The following RAMP3 variants were observed in gnomAD, a reference collection of about 807,000 sequenced individuals.
The protein encoded by RAMP3 is receptor activity-modifying protein 3.
In RAMP3, 14 loss-of-function variants were observed where a neutral mutation model predicts 13.5. That is an observed-to-expected ratio of 1.04 (90% CI 0.69 to 1.63). The LOEUF is 1.63. Among genes scored for constraint, RAMP3 ranks in the 40% most tolerant of loss-of-function variants. The probability of loss-of-function intolerance (pLI) is 0.00; values close to 1 mark genes in which losing one functional copy is unlikely to be tolerated. For synonymous variants in RAMP3, 106 were observed against 88.3 expected, an observed-to-expected ratio of 1.20 and a Z score of -1.12; for missense variants, 200 against 204.8, an observed-to-expected ratio of 0.98 and a Z score of 0.14.
chr7:45,173,281 C>T (rs1786115101), intron 1 of RAMP3, among the ~76,000 whole-genome samples: 1 of 152,194 alleles, frequency 6.6e-6, no homozygotes, highest in Non-Finnish European at 1.5e-5. Context: ...TATGACTGGA[C>T]ATGGAAGTGT....
rs57539624 is a variant in RAMP3 at position 45,176,387 on chromosome 7, TACACACACACAC to T, written c.59-905_59-894del. On this transcript the variant is annotated intron_variant, in intron 1 of 2. Transcript: ENST00000242249. The stretch of plus-strand genomic sequence containing the variant: ...GATATAGATGGCAGGGCTGTGTACC[TACACACACACAC>T]ACACACACACACACACCAAGACACA... Among the ~76,000 whole-genome samples, 9 of 147,734 alleles carry T rather than the reference TACACACACACAC, an allele frequency of 6.1e-5. No individual in the cohort carries two copies. The East Asian group carries it at 8.0e-4, about 13-fold the overall frequency.
At chr7:45,181,273 A>T (rs538262805) in intron 2 of RAMP3, among the ~76,000 whole-genome samples, 1 of 152,338 alleles carries the variant, frequency 6.6e-6, no homozygotes, top group South Asian at 2.1e-4. Flanking sequence ...GCCACTGTCC[A>T]TGCTGTCTTC....
chr7:45,183,427 T>G lies in RAMP3; in HGVS notation c.*15T>G. On this transcript the variant is annotated 3_prime_UTR_variant, in exon 3 of 3. Transcript: ENST00000242249. Reference sequence around the variant, plus strand: ...CGCTGCTGTGAGGGTCCCGGTGAGATGGAGTGGGTCACACCTGGCAAGCTG... The same window carrying G: ...CGCTGCTGTGAGGGTCCCGGTGAGAGGGAGTGGGTCACACCTGGCAAGCTG... 6.2e-6 allele frequency: 10 copies of G among 1,609,214 alleles called. No individual in the cohort carries two copies. The highest frequency in any genetic ancestry group is 8.5e-6 in the Non-Finnish European group (10 of 1,179,424).
At chr7:45,170,205 A>C (rs1372513649) in intron 1 of RAMP3, among the ~76,000 whole-genome samples, 1 of 146,932 alleles carries the variant, frequency 6.8e-6, no homozygotes, top group Non-Finnish European at 1.5e-5. Context: ...TTTGTAGTTC[A>C]TTAATTTCTC....
At chr7:45,162,424 G>A (rs1292437155) in intron 1 of RAMP3, among the ~76,000 whole-genome samples, 1 of 152,220 alleles carries the variant, frequency 6.6e-6, no homozygotes, top group African/African-American at 2.4e-5. Context: ...GCAAGGAGGT[G>A]AGCCTTGGAT....
chr7:45,160,317 C>T (rs1442514824), intron 1 of RAMP3, among the ~76,000 whole-genome samples: 15 of 93,792 alleles, frequency 1.6e-4, no homozygotes, highest in Admixed American at 1.4e-3. Context: ...GGTGACAAAG[C>T]GAGACTCTGC....
intron 1 of RAMP3, among the ~76,000 whole-genome samples, chr7:45,166,578 A>G (rs553167734): frequency 1.3e-5 from 2 of 152,210 alleles, no homozygotes; most frequent in Admixed American, 1.3e-4. Flanking sequence ...CAGATATACA[A>G]CTTGCATATA....
chr7:45,179,752 G>A (rs2128658578), intron 2 of RAMP3, among the ~76,000 whole-genome samples: 1 of 152,318 alleles, frequency 6.6e-6, no homozygotes, highest in East Asian at 1.9e-4. Context: ...GCCAGGGGCT[G>A]AGGGCATGAG....
intron 1 of RAMP3, among the ~76,000 whole-genome samples, chr7:45,175,915 C>T (rs1194219970): frequency 1.3e-5 from 2 of 152,170 alleles, no homozygotes; most frequent in Admixed American, 6.5e-5. Context: ...CAGGTCCCTG[C>T]ACCAGAAAGT....
chr7:45,168,491 AT>A (rs1254540310), intron 1 of RAMP3, among the ~76,000 whole-genome samples: 2 of 147,478 alleles, frequency 1.4e-5, no homozygotes, highest in Non-Finnish European at 3.0e-5. Context: ...AATTATACTT[AT>A]TACTAAGAAT....
At chr7:45,174,550 T>G (rs1230606972) in intron 1 of RAMP3, among the ~76,000 whole-genome samples, 2 of 152,148 alleles carry the variant, frequency 1.3e-5, no homozygotes, top group Admixed American at 1.3e-4. Flanking sequence ...GCCTGTGCAT[T>G]TTTTATCCCC....
chr7:45,174,009 G>T (rs1048710293), intron 1 of RAMP3, among the ~76,000 whole-genome samples: 1 of 152,138 alleles, frequency 6.6e-6, no homozygotes, highest in Non-Finnish European at 1.5e-5. Flanking sequence ...GGTGGGGGCT[G>T]TGGATTTCCT....
At position 45,184,161 on chromosome 7, in the gene RAMP3, G is replaced by A; in HGVS notation, c.*749G>A. The A allele has an allele frequency of 2.5e-6, 1 of 398,744 alleles. No individual in the cohort carries two copies. Among genetic ancestry groups the A allele is most frequent in the African/African-American group, 2.1e-5 (1 of 48,758 alleles). 24.7% of individuals were successfully genotyped at this position (398,744 alleles called of 1,614,324 possible). On this transcript the variant is annotated 3_prime_UTR_variant, in exon 3 of 3. Coordinates refer to ENST00000242249, the MANE Select transcript of RAMP3 (RefSeq NM_005856.3). Reference sequence around the variant, plus strand: ...CCTACAGGGGCTCCTCTGTGGGTGAGGGGCCCTCTGGAATGGCATCCCATG... The same window carrying A: ...CCTACAGGGGCTCCTCTGTGGGTGAAGGGCCCTCTGGAATGGCATCCCATG...
At chr7:45,182,031 G>A (rs1288347977) in intron 2 of RAMP3, among the ~76,000 whole-genome samples, 1 of 152,168 alleles carries the variant, frequency 6.6e-6, no homozygotes, top group African/African-American at 2.4e-5. Context: ...GGTGGAGTAG[G>A]TCAGAGTCCC....
chr7:45,167,971 G>A (rs1475922996), intron 1 of RAMP3, among the ~76,000 whole-genome samples: 2 of 152,140 alleles, frequency 1.3e-5, no homozygotes, highest in Non-Finnish European at 2.9e-5. Context: ...ATCAATTACT[G>A]CAATGGGCCA....
At chr7:45,163,171 G>A (rs1404509006) in intron 1 of RAMP3, 1 of 985,298 alleles carries the variant, frequency 1.0e-6, no homozygotes, top group Admixed American at 6.1e-5. Flanking sequence ...GCTGTGGCCT[G>A]GGTGAGCCTA....
At chr7:45,177,538 G>A in intron 2 of RAMP3, 97 bp downstream of exon 2, 1 of 1,554,168 alleles carries the variant, frequency 6.4e-7, no homozygotes, top group Non-Finnish European at 8.8e-7. Flanking sequence ...TCTACCCAAG[G>A]CCTCACCCAT....
intron 1 of RAMP3, chr7:45,163,802 G>A: frequency 5.1e-6 from 5 of 985,398 alleles, no homozygotes; most frequent in Non-Finnish European, 6.0e-6. Context: ...CCGTGCCAGT[G>A]GGGCATCTGG....
chr7:45,169,206 G>C (rs555435210), intron 1 of RAMP3, among the ~76,000 whole-genome samples: 105 of 152,280 alleles, frequency 6.9e-4, no homozygotes, highest in African/African-American at 2.4e-3. Flanking sequence ...TATATATTCA[G>C]AAGCAATATT....
Sources: allele counts gnomAD v4.1 joint callset (sites outside exome capture counted in the v4.1 genomes callset), GRCh38; gene constraint gnomAD v4.1.1; transcripts MANE v1.5; gene names NCBI Gene and HGNC (gene_info 2026-07-23, HGNC 2026-07-21).